TMEM67: variants seen among roughly 807,000 people sequenced by gnomAD.
TMEM67 encodes the protein transmembrane protein 67.
TMEM67 carries 124 observed loss-of-function variants against 136.6 expected under a neutral mutation model. The observed-to-expected ratio is 0.91, with a 90% CI of 0.78 to 1.05. The LOEUF is 1.05. Among genes scored for constraint, TMEM67 ranks in the 50% least tolerant of loss-of-function variants. The probability of loss-of-function intolerance (pLI) is 0.00; values close to 1 mark genes in which losing one functional copy is unlikely to be tolerated. For missense variants in TMEM67, 1,107 were observed against 1,178.4 expected (o/e 0.94, Z 0.89); for synonymous variants, 364 against 390.5 (o/e 0.93, Z 0.80).
At chr8:93,755,749 G>GA in intron 1 of TMEM67, 29 bp from the exon 2 acceptor site, 1 of 1,101,214 alleles carries the variant, frequency 9.1e-7, no homozygotes, top group Admixed American at 2.4e-5. Context: ...GGATAAAATT[G>GA]GCTTTTTTTT....
the TMEM67 span, among the ~76,000 whole-genome samples, chr8:93,826,903 C>A: frequency 7.4e-4 from 113 of 152,290 alleles, no homozygotes; most frequent in Middle Eastern, 3.4e-3. Context: ...AATCTCGGCT[C>A]ACCGCAACCT....
chr8:93,772,022 G>T (rs1370113515), intron 6 of TMEM67, among the ~76,000 whole-genome samples: 2 of 152,078 alleles, frequency 1.3e-5, no homozygotes, highest in African/African-American at 4.8e-5. Context: ...ATGTTTTTTA[G>T]CCAGAGGTTT....
intron 17 of TMEM67, 86 bp from the exon 18 acceptor site, chr8:93,795,815 A>AAAAAAC: frequency 8.5e-7 from 1 of 1,181,850 alleles, no homozygotes; most frequent in East Asian, 2.4e-5. Flanking sequence ...CTTTCCCAAA[A>AAAAAAC]AAAAACAAAA....
chr8:93,779,854 T>A (rs1288762198), intron 7 of TMEM67, among the ~76,000 whole-genome samples: 1 of 152,220 alleles, frequency 6.6e-6, no homozygotes, highest in Non-Finnish European at 1.5e-5. Context: ...GGAGGCAGTC[T>A]ATCCATTCTC....
the TMEM67 span, among the ~76,000 whole-genome samples, chr8:93,828,272 T>C: frequency 6.6e-6 from 1 of 152,168 alleles, no homozygotes; most frequent in Non-Finnish European, 1.5e-5. Flanking sequence ...AAAGAACATG[T>C]AGCCATATGC....
At chr8:93,782,070 C>G (rs149641222) in intron 10 of TMEM67, among the ~76,000 whole-genome samples, 4 of 152,148 alleles carry the variant, frequency 2.6e-5, no homozygotes, top group Admixed American at 2.6e-4. Flanking sequence ...ACTGCCACCA[C>G]GTCCAGCTAA....
intron 10 of TMEM67, 31 bp downstream of exon 10, chr8:93,781,775 A>C (rs1298062059): frequency 8.2e-6 from 11 of 1,341,176 alleles, no homozygotes; most frequent in Non-Finnish European, 1.2e-5. Context: ...AGAATTAATA[A>C]CATGCATTAT....
At chr8:93,789,565 A>G (rs1814274083) in intron 14 of TMEM67, among the ~76,000 whole-genome samples, 1 of 151,700 alleles carries the variant, frequency 6.6e-6, no homozygotes, top group Non-Finnish European at 1.5e-5. Flanking sequence ...GAATCACTTG[A>G]ACCCAAGAGG....
intron 27 of TMEM67, among the ~76,000 whole-genome samples, chr8:93,816,046 T>C (rs1471757502): frequency 6.6e-6 from 1 of 152,218 alleles, no homozygotes; most frequent in Non-Finnish European, 1.5e-5. Context: ...AGAAATTCTA[T>C]CTCTAGTGAG....
rs61676319 is a variant in TMEM67 at position 93,781,551 on chromosome 8, A to G, written c.979-107A>G. 5.1e-3 allele frequency: 2,771 copies of G among 544,456 alleles called. 66 individuals carry two copies. The highest frequency in any genetic ancestry group is 0.049 in the African/African-American group (2,524 of 51,676). The allele number at this position is 544,456 out of a possible 1,614,324, so 33.7% of individuals were successfully genotyped here. ...TGAACCTCAAAATAAAGATAATTGA[A>G]TGTAATTTTTCAACAAAAAAGATCA... On this transcript the variant is annotated intron_variant, in intron 9 of 27. Transcript: ENST00000453321.
rs1412563869 is a variant in TMEM67 at position 93,793,225 on chromosome 8, G to A, written c.1603G>A (p.Ala535Thr). The change falls in exon 16 of 28, where the codon GCT becomes ACT. Residue 535 changes from alanine to threonine, a missense_variant. Coordinates refer to ENST00000453321, the MANE Select transcript of TMEM67 (RefSeq NM_153704.6). ...DIALGVLGGL[A>T]VLASLLKTAG... is the part of the protein sequence containing the mutation. ...TGCTTTGGGTGTATTGGGTGGGCTA[G>A]CTGTTTTAGCATCTCTTTTGAAGAC... 1 of 1,614,026 alleles carries A rather than the reference G, an allele frequency of 6.2e-7. No individual in the cohort carries two copies. Among genetic ancestry groups the A allele is most frequent in the African/African-American group, 1.3e-5 (1 of 74,920 alleles).
intron 12 of TMEM67, 58 bp downstream of exon 12, chr8:93,785,436 C>A (rs1425270438): frequency 4.6e-6 from 7 of 1,520,634 alleles, no homozygotes; most frequent in Non-Finnish European, 6.4e-6. Context: ...AATAAGTTAA[C>A]CTACATGATA....
intron 6 of TMEM67, among the ~76,000 whole-genome samples, chr8:93,766,564 G>A (rs192791752): frequency 6.6e-6 from 1 of 152,310 alleles, no homozygotes; most frequent in Non-Finnish European, 1.5e-5. Context: ...AAGAGAATAA[G>A]AGTTAGATGA....
chr8:93,763,059 A>T, intron 3 of TMEM67: 1 of 263,670 alleles, frequency 3.8e-6, no homozygotes, highest in South Asian at 3.0e-5. Context: ...AGTAGCTGGG[A>T]TTACAGGCAC....
rs761957070 is a variant in TMEM67 at position 93,780,737 on chromosome 8, A to G, written c.859A>G (p.Ile287Val). 4 of 1,613,824 alleles carry G rather than the reference A, an allele frequency of 2.5e-6. No individual in the cohort carries two copies. The highest frequency in any genetic ancestry group is 2.7e-5 in the African/African-American group (2 of 74,910). Residue 287 changes from isoleucine (I) to valine (V), a missense_variant, in exon 8 of 28, where the codon ATT becomes GTT. Transcript: ENST00000453321. ...TGCTGGACTGAGCACTGTTCATTCT[A>G]TTTCATTTTGGTAAGGATATTTTGA... Reference protein sequence around the residue: ...NTAGLSTVHSISFWRQNLPWL... With the variant: ...NTAGLSTVHSVSFWRQNLPWL...
intron 3 of TMEM67, among the ~76,000 whole-genome samples, chr8:93,760,789 T>C (rs932561851): frequency 1.8e-4 from 28 of 152,016 alleles, no homozygotes; most frequent in African/African-American, 6.3e-4. Context: ...AAAATATTAA[T>C]GCATACAATA....
At chr8:93,769,527 C>T (rs988636492) in intron 6 of TMEM67, 1 of 167,144 alleles carries the variant, frequency 6.0e-6, no homozygotes, top group African/African-American at 2.4e-5. Context: ...AACACTGATT[C>T]TTTCCTAAGG....
intron 21 of TMEM67, among the ~76,000 whole-genome samples, chr8:93,801,207 A>G (rs140521598): frequency 8.4e-4 from 128 of 152,108 alleles, no homozygotes; most frequent in Middle Eastern, 3.4e-3. Context: ...AAAACAGCCT[A>G]TTTTTAAGAA....
chr8:93,806,395 A>G (rs192158800), intron 23 of TMEM67, among the ~76,000 whole-genome samples: 1 of 152,298 alleles, frequency 6.6e-6, no homozygotes, highest in East Asian at 1.9e-4. Flanking sequence ...ATACATACAA[A>G]GCATTTACAG....
Sources: allele counts gnomAD v4.1 joint callset (sites outside exome capture counted in the v4.1 genomes callset), GRCh38; gene constraint gnomAD v4.1.1; transcripts MANE v1.5; gene names NCBI Gene and HGNC (gene_info 2026-07-23, HGNC 2026-07-21).